FGD5: variants seen among roughly 807,000 people sequenced by gnomAD.
FGD5 encodes FYVE, RhoGEF and PH domain containing 5.
In FGD5, 28 loss-of-function variants were observed where a neutral mutation model predicts 133.4. That is an observed-to-expected ratio of 0.21 (90% CI 0.16 to 0.29). The LOEUF is 0.29. Among genes scored for constraint, FGD5 ranks in the 10% least tolerant of loss-of-function variants. The pLI, the probability that FGD5 is intolerant of heterozygous loss-of-function variation, is 1.00. For synonymous variants in FGD5, 810 were observed against 776.5 expected (o/e 1.04, Z -0.72); for missense variants, 1,858 against 1,895.2 (o/e 0.98, Z 0.36).
At chr3:14,916,797 G>A (rs1227506459) in intron 11 of FGD5, among the ~76,000 whole-genome samples, 1 of 152,320 alleles carries the variant, frequency 6.6e-6, no homozygotes, top group East Asian at 1.9e-4. Flanking sequence ...TCACAGAAAT[G>A]TCATCAAACA....
intron 1 of FGD5, among the ~76,000 whole-genome samples, chr3:14,846,874 G>C (rs1016372676): frequency 6.6e-6 from 1 of 152,230 alleles, no homozygotes; most frequent in South Asian, 2.1e-4. Context: ...AGACTGTGAA[G>C]TGCTGTGCAG....
At chr3:14,894,725 G>A (rs1437157177) in intron 4 of FGD5, among the ~76,000 whole-genome samples, 1 of 147,690 alleles carries the variant, frequency 6.8e-6, no homozygotes, top group Non-Finnish European at 1.5e-5. Context: ...TGCCCAGACT[G>A]GTCTTGAACT....
intron 1 of FGD5, among the ~76,000 whole-genome samples, chr3:14,823,267 G>T (rs143693517): frequency 6.6e-6 from 1 of 152,144 alleles, no homozygotes; most frequent in Non-Finnish European, 1.5e-5. Context: ...GTCAGAGACC[G>T]CCCACCTCTA....
chr3:14,917,627 G>C lies in FGD5; in HGVS notation c.3489+295G>C, dbSNP rs1485180659. On this transcript the variant is annotated intron_variant, in intron 12 of 19. Coordinates refer to ENST00000285046, the MANE Select transcript of FGD5 (RefSeq NM_152536.4). The surrounding 1 kb of genome is among the most constrained non-coding windows in gnomAD (Gnocchi z 4.1). ...AGGAAAATGCATAAGGAAGGGCCTG[G>C]GTTGGGGGAACAAGCAGGTGGTTGG... Among the ~76,000 whole-genome samples, 1 of 152,184 alleles carries C rather than the reference G, an allele frequency of 6.6e-6. No homozygotes were observed. Among genetic ancestry groups the C allele is most frequent in the East Asian group, 1.9e-4 (1 of 5,198 alleles).
intron 4 of FGD5, among the ~76,000 whole-genome samples, chr3:14,885,827 A>G (rs2037915785): frequency 6.6e-6 from 1 of 152,168 alleles, no homozygotes; most frequent in African/African-American, 2.4e-5. Context: ...ATGGGAGGGG[A>G]CATAGTCTCT....
intron 10 of FGD5, 141 bp downstream of exon 10, chr3:14,907,852 G>A (rs2038369630): frequency 1.3e-6 from 1 of 791,384 alleles, no homozygotes; most frequent in Non-Finnish European, 2.0e-6. Flanking sequence ...GGTGGGCGTG[G>A]GCTCACTGGA....
At chr3:14,822,156 G>C (rs2036518200) in intron 1 of FGD5, among the ~76,000 whole-genome samples, 1 of 152,190 alleles carries the variant, frequency 6.6e-6, no homozygotes, top group Non-Finnish European at 1.5e-5. Flanking sequence ...TAGATATTCT[G>C]TGTGAAAGCA....
In FGD5 at chr3:14,923,141, G is replaced by A; in HGVS notation, c.3903G>A (p.Lys1301=). ...GCGACGGCTGCTTCGGGGAGCTGAA[G>A]AAGCGGGGCAGGGCTGTCCCGGGCC... is the stretch of plus-strand genomic sequence containing the variant. ...KVCDGCFGEL[K]KRGRAVPGLM... The change falls in exon 16 of 20, where the codon AAG becomes AAA. Residue 1301 remains lysine (K), a synonymous_variant. Coordinates refer to ENST00000285046, the MANE Select transcript of FGD5 (RefSeq NM_152536.4). 1.2e-6 allele frequency: 2 copies of A among 1,613,826 alleles called. No individual in the cohort carries two copies. The highest frequency in any genetic ancestry group is 1.7e-6 in the Non-Finnish European group (2 of 1,179,868).
chr3:14,900,944 TG>T, intron 8 of FGD5, 58 bp from the exon 9 acceptor site: 1 of 1,598,020 alleles, frequency 6.3e-7, no homozygotes, highest in Non-Finnish European at 8.6e-7. Flanking sequence ...GACACTACAG[TG>T]GGGAAAATTG....
At chr3:14,846,446 G>A (rs772377743) in intron 1 of FGD5, among the ~76,000 whole-genome samples, 4 of 152,254 alleles carry the variant, frequency 2.6e-5, no homozygotes, top group Non-Finnish European at 5.9e-5. Flanking sequence ...GTGCCAGCTA[G>A]CACTGCAGCC....
intron 1 of FGD5, among the ~76,000 whole-genome samples, chr3:14,854,496 G>A (rs957707405): frequency 1.3e-5 from 2 of 151,550 alleles, no homozygotes; most frequent in Non-Finnish European, 1.5e-5. Context: ...GCTCACTGCA[G>A]CCTTGACCTC....
chr3:14,875,281 T>C (rs1233149029), intron 2 of FGD5, among the ~76,000 whole-genome samples: 4 of 152,106 alleles, frequency 2.6e-5, no homozygotes, highest in African/African-American at 4.8e-5. Context: ...GAAACAGCCA[T>C]GGAAGGTGGC....
intron 2 of FGD5, among the ~76,000 whole-genome samples, chr3:14,876,447 T>G (rs115407158): frequency 0.025 from 3,862 of 152,216 alleles, 165 homozygotes; most frequent in African/African-American, 0.086. Context: ...AATCAGAAAA[T>G]TTTGAAACAT....
At position 14,877,385 on chromosome 3, in the gene FGD5, C is replaced by T. The variant is rs1180861197; in HGVS notation, c.2659-3187C>T. 5.3e-5 allele frequency among the ~76,000 whole-genome samples: 8 copies of T among 152,028 alleles called. No homozygotes were observed. In the East Asian group the frequency reaches 5.8e-4, roughly 11 times the overall value. ...GCTGGGTGGGACGTGCAGAGGGGCC[C>T]GTGTCTGGACCCTACCAAAAGCCTG... On this transcript the variant is annotated intron_variant, in intron 2 of 19. Transcript: ENST00000285046.
intron 1 of FGD5, among the ~76,000 whole-genome samples, chr3:14,850,079 C>T (rs1464356307): frequency 6.6e-6 from 1 of 152,210 alleles, no homozygotes; most frequent in Non-Finnish European, 1.5e-5. Context: ...TGCATCCTCC[C>T]CAGCTGCCTG....
chr3:14,838,973 A>T (rs2036867243), intron 1 of FGD5, among the ~76,000 whole-genome samples: 1 of 152,228 alleles, frequency 6.6e-6, no homozygotes, highest in African/African-American at 2.4e-5. Flanking sequence ...TTGGGGTCTT[A>T]GGAATACACA....
chr3:14,900,584 A>T, intron 8 of FGD5, 131 bp downstream of exon 8: 1 of 1,019,758 alleles, frequency 9.8e-7, no homozygotes, highest in East Asian at 2.6e-5. Flanking sequence ...GGTTCTGCAT[A>T]TGACACATCT....
chr3:14,840,516 A>G (rs920739374), intron 1 of FGD5, among the ~76,000 whole-genome samples: 2 of 151,808 alleles, frequency 1.3e-5, no homozygotes, highest in African/African-American at 2.4e-5. Context: ...CATAGTGAGC[A>G]TACTCTTCTG....
intron 2 of FGD5, among the ~76,000 whole-genome samples, chr3:14,867,544 T>G (rs1013103543): frequency 6.6e-6 from 1 of 152,110 alleles, no homozygotes; most frequent in Non-Finnish European, 1.5e-5. Flanking sequence ...AATCTCCATA[T>G]CCACTACCAT....
Sources: gnomAD v4.1 joint callset for allele counts (sites outside exome capture counted in the v4.1 genomes callset) on GRCh38, gnomAD v4.1.1 for gene constraint, Gnocchi (gnomAD v3.1) non-coding constraint, MANE v1.5 for transcripts, NCBI Gene and HGNC (gene_info 2026-07-23, HGNC 2026-07-21) for gene names.